The following ABCB11 variants were observed in gnomAD, a reference collection of about 807,000 sequenced individuals.
The protein encoded by ABCB11 is ATP binding cassette subfamily B member 11.
A neutral mutation model predicts 148.0 loss-of-function variants in ABCB11; 95 were observed. The ratio of observed to expected loss-of-function variants is 0.64; its 90% confidence interval spans 0.54 to 0.76. ABCB11 has a LOEUF of 0.76. ABCB11 is among the 30% of genes least tolerant of loss of function. The pLI is 0.00. For synonymous variants in ABCB11, 591 were observed against 555.4 expected (o/e 1.06, Z -0.90); for missense variants, 1,523 against 1,617.8 (o/e 0.94, Z 1.01).
chr2:169,011,839 A>T (rs932403959), intron 5 of ABCB11, among the ~76,000 whole-genome samples: 9 of 152,180 alleles, frequency 5.9e-5, no homozygotes, highest in African/African-American at 1.9e-4. Context: ...TTTTTAAAAA[A>T]ATTTTTGTAG....
At chr2:169,014,234 C>CGG in intron 4 of ABCB11, 69 bp downstream of exon 4, 24 of 1,168,842 alleles carry the variant, frequency 2.1e-5, no homozygotes, top group Middle Eastern at 2.0e-4. Flanking sequence ...AAAGATTTAA[C>CGG]ACTCCCCTCA....
chr2:168,957,996 A>G lies in ABCB11; in HGVS notation c.2311T>C (p.Leu771=). 6.2e-7 allele frequency: 1 copy of G among 1,600,910 alleles called. No homozygotes were observed. Among genetic ancestry groups the G allele is most frequent in the Non-Finnish European group, 8.5e-7 (1 of 1,170,196 alleles). The change falls in exon 19 of 28, where the codon TTG becomes CTG. Residue 771 remains leucine, a synonymous_variant. Coordinates refer to ENST00000650372, the MANE Select transcript of ABCB11 (RefSeq NM_003742.4). The part of the protein sequence containing the change: ...GAAVNGTVTP[L]YAFLFSQILG... ...ATCTGGCTGAATAAAAAGGCATACA[A>G]GGGTGTGACTGTCCCGTTCACAGCT... is the stretch of plus-strand genomic sequence containing the variant.
chr2:169,011,769 T>G (rs1344449618), intron 5 of ABCB11, among the ~76,000 whole-genome samples: 1 of 152,124 alleles, frequency 6.6e-6, no homozygotes, highest in African/African-American at 2.4e-5. Context: ...CCAAGTGATC[T>G]TCCCATCTCA....
chr2:169,025,037 CAG>C (rs537326244), intron 1 of ABCB11, among the ~76,000 whole-genome samples: 11 of 151,832 alleles, frequency 7.2e-5, no homozygotes, highest in African/African-American at 1.2e-4. Flanking sequence ...TTCAAAAAAA[CAG>C]AGAGACTCTT....
At chr2:169,017,738 T>G (rs1380657448) in intron 2 of ABCB11, among the ~76,000 whole-genome samples, 1 of 152,042 alleles carries the variant, frequency 6.6e-6, no homozygotes, top group Non-Finnish European at 1.5e-5. Flanking sequence ...CAATTATGAT[T>G]AATAATAACA....
At chr2:168,990,722 G>A (rs774047312) in intron 9 of ABCB11, 79 bp downstream of exon 9, 27 of 1,579,362 alleles carry the variant, frequency 1.7e-5, no homozygotes, top group Admixed American at 3.4e-5. Flanking sequence ...TGGGTCTGCC[G>A]CTTTGCACAA....
intron 13 of ABCB11, among the ~76,000 whole-genome samples, chr2:168,973,156 T>G (rs951430842): frequency 1.1e-4 from 12 of 112,278 alleles, no homozygotes; most frequent in Admixed American, 2.4e-4. Flanking sequence ...AAAAGTGGAA[T>G]AGACAGTTCA....
chr2:168,966,577 T>C (rs748551384), intron 17 of ABCB11, among the ~76,000 whole-genome samples: 6 of 151,854 alleles, frequency 4.0e-5, no homozygotes, highest in Non-Finnish European at 5.9e-5. Flanking sequence ...AACAACTAAC[T>C]TGGGGGACTA....
intron 19 of ABCB11, among the ~76,000 whole-genome samples, chr2:168,953,931 C>T (rs1692675445): frequency 6.6e-6 from 1 of 151,588 alleles, no homozygotes; most frequent in Admixed American, 6.6e-5. Context: ...CCTGCCTTTC[C>T]AGACCAAACC....
At chr2:168,985,842 T>G (rs1694300482) in intron 10 of ABCB11, among the ~76,000 whole-genome samples, 2 of 152,062 alleles carry the variant, frequency 1.3e-5, no homozygotes, top group Non-Finnish European at 2.9e-5. Flanking sequence ...TTGGATTCAG[T>G]GTATACTGCT....
chr2:168,931,548 AT>A (rs1691569795), intron 24 of ABCB11, among the ~76,000 whole-genome samples: 1 of 152,220 alleles, frequency 6.6e-6, no homozygotes, highest in Admixed American at 6.5e-5. Context: ...AAGAACAGAT[AT>A]TTTGTTGAGA....
At chr2:168,983,712 C>T (rs953699070) in intron 10 of ABCB11, among the ~76,000 whole-genome samples, 6 of 152,002 alleles carry the variant, frequency 3.9e-5, no homozygotes, top group Admixed American at 3.3e-4. Context: ...CTCAATTTTC[C>T]CTGGCAATGT....
intron 19 of ABCB11, among the ~76,000 whole-genome samples, chr2:168,946,378 A>C (rs981636449): frequency 6.6e-6 from 1 of 151,862 alleles, no homozygotes; most frequent in African/African-American, 2.4e-5. Context: ...TTTGTAAAGC[A>C]AAAGTAACCC....
intron 1 of ABCB11, among the ~76,000 whole-genome samples, chr2:169,021,550 T>C (rs920515584): frequency 6.6e-6 from 1 of 152,056 alleles, no homozygotes; most frequent in African/African-American, 2.4e-5. Flanking sequence ...AACACAACTT[T>C]ATTAGAAACT....
At chr2:168,917,553 A>G (rs909387050), downstream of ABCB11, among the ~76,000 whole-genome samples, 1 of 152,244 alleles carries the variant, frequency 6.6e-6, no homozygotes, top group Admixed American at 6.5e-5. Flanking sequence ...AAAATGTATG[A>G]TGTAAAGCAT....
Position 168,979,920 on chromosome 2 carries a change from T to C in ABCB11, c.1143A>G (p.Glu381=). ...LNLGNASPCL[E]AFATGRAAAT... ...CTGCTGCACGTCCAGTTGCAAAGGC[T>C]TCCAAACAAGGAGAGGCATTGCCAA... Residue 381 remains glutamate (E), a synonymous_variant, in exon 11 of 28, where the codon GAA becomes GAG. Transcript: ENST00000650372. 1 of 1,610,982 alleles carries C rather than the reference T, an allele frequency of 6.2e-7. No individual in the cohort carries two copies. The highest frequency in any genetic ancestry group is 8.5e-7 in the Non-Finnish European group (1 of 1,177,900).
At chr2:169,006,556 GATAAAATAAA>G (rs140687117) in intron 5 of ABCB11, among the ~76,000 whole-genome samples, 6,100 of 150,964 alleles carry the variant, frequency 0.04, 412 homozygotes, top group African/African-American at 0.14. Context: ...TAGGCAATAA[GATAAAATAAA>G]ATAAAATAAA....
At chr2:168,996,529 T>G in intron 6 of ABCB11, 106 bp downstream of exon 6, 1 of 544,198 alleles carries the variant, frequency 1.8e-6, no homozygotes. Flanking sequence ...CAGACTGTAG[T>G]TCTTAGGGCT....
At position 169,014,354 on chromosome 2, in the gene ABCB11, C is replaced by G. The variant is rs1306338605; in HGVS notation, c.99G>C (p.Arg33Ser). The G allele has an allele frequency of 6.2e-7, 1 of 1,612,994 alleles. No homozygotes were observed. The highest frequency in any genetic ancestry group is 8.5e-7 in the Non-Finnish European group (1 of 1,179,312). ...DKSYNNDKKS[R>S]LQDEKKGDGV... ...CATCACCTTTCTTCTCATCTTGTAACCTGATGAGAAAAACATAAGGATTTA... is the reference window on the plus strand; with the variant it reads ...CATCACCTTTCTTCTCATCTTGTAAGCTGATGAGAAAAACATAAGGATTTA... Residue 33 changes from arginine to serine, a missense_variant and splice_region_variant, in exon 4 of 28, where the codon AGG becomes AGC. By Grantham distance (110) the Arg-to-Ser change is moderately radical. Transcript: ENST00000650372.
Sources: allele counts gnomAD v4.1 joint callset (sites outside exome capture counted in the v4.1 genomes callset), GRCh38; gene constraint gnomAD v4.1.1; transcripts MANE v1.5; gene names NCBI Gene and HGNC (gene_info 2026-07-23, HGNC 2026-07-21).